Variants in MED15 observed in about 807,000 individuals in gnomAD.
MED15 encodes the protein mediator complex subunit 15.
MED15 carries 41 observed loss-of-function variants against 118.7 expected under a neutral mutation model. The ratio of observed to expected loss-of-function variants is 0.35; its 90% CI spans 0.27 to 0.45. The LOEUF (loss-of-function observed/expected upper bound fraction) is 0.45. Among genes scored for constraint, MED15 ranks in the 20% least tolerant of loss-of-function variants. The pLI, the probability that MED15 is intolerant of heterozygous loss-of-function variation, is 1.00. For synonymous variants in MED15, 436 were observed against 413.9 expected (o/e 1.05, Z -0.65); for missense variants, 740 against 1,025.5 (o/e 0.72, Z 3.80).
At chr22:20,517,062 T>A (rs2054280332) in intron 1 of MED15, among the ~76,000 whole-genome samples, 1 of 151,774 alleles carries the variant, frequency 6.6e-6, no homozygotes. Context: ...CCCAAGTAGC[T>A]GGGACTAAGG....
intron 6 of MED15, among the ~76,000 whole-genome samples, chr22:20,565,694 C>A (rs926742607): frequency 6.6e-6 from 1 of 152,228 alleles, no homozygotes; most frequent in African/African-American, 2.4e-5. Flanking sequence ...CTCCTGCTGA[C>A]AAGCAGACCT....
intron 2 of MED15, among the ~76,000 whole-genome samples, chr22:20,542,278 G>A (rs866167791): frequency 7.9e-5 from 12 of 152,140 alleles, no homozygotes; most frequent in African/African-American, 2.2e-4. Flanking sequence ...AATGTTTATA[G>A]CATCATTATA....
intron 1 of MED15, among the ~76,000 whole-genome samples, chr22:20,523,306 C>A (rs186220422): frequency 6.6e-6 from 1 of 152,100 alleles, no homozygotes; most frequent in Non-Finnish European, 1.5e-5. Context: ...AGGTGTGGAT[C>A]ATGCACAATC....
In MED15 at chr22:20,582,713, G is replaced by A. The variant is rs547574547; in HGVS notation, c.1375G>A (p.Gly459Ser). 8.0e-5 allele frequency: 104 copies of A among 1,306,296 alleles called. No individual in the cohort carries two copies. The highest frequency in any genetic ancestry group is 3.9e-4 in the South Asian group (33 of 85,346). 80.9% of individuals were successfully genotyped at this position (1,306,296 alleles called of 1,614,324 possible). Reference sequence around the variant, plus strand: ...TCCCCCCCAGCCGTCCCCGCAGCCCGGCCAGCCCAGCTCACAGCCCAACTC... The same window carrying A: ...TCCCCCCCAGCCGTCCCCGCAGCCCAGCCAGCCCAGCTCACAGCCCAACTC... ...PPPPQPSPQP[G>S]QPSSQPNSNV... Residue 459 changes from glycine (G) to serine (S), a missense_variant, in exon 10 of 18, where the codon GGC becomes AGC. Gly to Ser is a moderately conservative substitution (Grantham distance 56, BLOSUM62 0). Transcript: ENST00000263205.
chr22:20,508,039 C>T (rs1472712325), intron 1 of MED15: 4 of 1,383,648 alleles, frequency 2.9e-6, no homozygotes, highest in Non-Finnish European at 3.7e-6. Flanking sequence ...GACTTTCCCC[C>T]GCTTTTTGAA....
chr22:20,582,742 C>A lies in MED15; in HGVS notation c.1404C>A (p.Asn468Lys). 6.3e-7 allele frequency: 1 copy of A among 1,581,942 alleles called. No individual in the cohort carries two copies. Among genetic ancestry groups the A allele is most frequent in the Non-Finnish European group, 8.6e-7 (1 of 1,168,360 alleles). Reference sequence around the variant, plus strand: ...AGCCCAGCTCACAGCCCAACTCCAACGTCAGGTAGGCCTGGCCTGGGGTGC... The same window carrying A: ...AGCCCAGCTCACAGCCCAACTCCAAAGTCAGGTAGGCCTGGCCTGGGGTGC... The part of the protein sequence containing the change: ...PGQPSSQPNS[N>K]VSSGPAPSPS... The change falls in exon 10 of 18, where the codon AAC becomes AAA. Residue 468 changes from asparagine (N) to lysine (K), a missense_variant. Asn to Lys is a moderately conservative substitution (Grantham distance 94). This residue lies in a region of MED15 where 384 missense variants were observed against 506.3 expected (regional missense o/e 0.76). Transcript: ENST00000263205.
At chr22:20,510,899 C>G (rs150386335) in intron 1 of MED15, among the ~76,000 whole-genome samples, 2 of 152,116 alleles carry the variant, frequency 1.3e-5, no homozygotes, top group Non-Finnish European at 2.9e-5. Flanking sequence ...GGATTAGGCA[C>G]GAGATGGGCA....
At chr22:20,586,487 C>T in intron 17 of MED15, 81 bp from the exon 18 acceptor site, 4 of 1,565,986 alleles carry the variant, frequency 2.6e-6, no homozygotes, top group Non-Finnish European at 2.6e-6. Flanking sequence ...TGGGGCTACC[C>T]CTTCCCAGAG....
intron 2 of MED15, among the ~76,000 whole-genome samples, chr22:20,541,780 G>T (rs2055325188): frequency 6.6e-6 from 1 of 152,020 alleles, no homozygotes; most frequent in Admixed American, 6.6e-5. Context: ...CTCCCAAGTA[G>T]CTGGGACTAC....
At chr22:20,551,596 T>G in intron 3 of MED15, 109 bp downstream of exon 3, 2 of 1,020,678 alleles carry the variant, frequency 2.0e-6, no homozygotes, top group Non-Finnish European at 3.1e-6. Context: ...AGTCAGAAGG[T>G]CTGTGTCACC....
At chr22:20,576,305 C>G (rs1223507577) in intron 9 of MED15, among the ~76,000 whole-genome samples, 1 of 152,264 alleles carries the variant, frequency 6.6e-6, no homozygotes, top group Non-Finnish European at 1.5e-5. Flanking sequence ...ACAGTGGTCC[C>G]TGTCCATCCC....
chr22:20,558,922 A>G (rs190396900), intron 5 of MED15, among the ~76,000 whole-genome samples: 145 of 152,326 alleles, frequency 9.5e-4, no homozygotes, highest in Non-Finnish European at 1.5e-3. Context: ...GAACAGAAAA[A>G]ATAGACACAT....
chr22:20,555,704 A>G (rs2055972813), intron 5 of MED15, among the ~76,000 whole-genome samples: 1 of 152,226 alleles, frequency 6.6e-6, no homozygotes. Context: ...AAGGGGAGGC[A>G]AAGAACCTCC....
chr22:20,551,138 G>A (rs1373684745), intron 2 of MED15: 1 of 589,698 alleles, frequency 1.7e-6, no homozygotes. Flanking sequence ...ATGAAGAGAG[G>A]GCACTCAAGA....
chr22:20,551,057 G>A (rs1025705244), intron 2 of MED15: 7 of 490,238 alleles, frequency 1.4e-5, no homozygotes, highest in African/African-American at 3.9e-5. Context: ...GCCCACCCAC[G>A]GCTGCCTCTG....
intron 1 of MED15, among the ~76,000 whole-genome samples, chr22:20,530,186 A>G (rs1569183833): frequency 6.6e-6 from 1 of 152,166 alleles, no homozygotes; most frequent in South Asian, 2.1e-4. Flanking sequence ...AGGGTCCCAC[A>G]TACAAGCTGT....
At chr22:20,567,230 T>C (rs2056476597) in intron 7 of MED15, among the ~76,000 whole-genome samples, 1 of 152,236 alleles carries the variant, frequency 6.6e-6, no homozygotes, top group Non-Finnish European at 1.5e-5. Flanking sequence ...TCTTTTTTTT[T>C]CCTTTACACT....
At chr22:20,564,172 T>TGCCAGTAATC (rs1450525635) in intron 5 of MED15, among the ~76,000 whole-genome samples, 11 of 152,332 alleles carry the variant, frequency 7.2e-5, no homozygotes, top group African/African-American at 2.4e-4. Context: ...GATTACTGAT[T>TGCCAGTAATC]GCCAGAGTCT....
chr22:20,555,188 G>T, intron 5 of MED15, 40 bp downstream of exon 5: 1 of 1,511,266 alleles, frequency 6.6e-7, no homozygotes, highest in Non-Finnish European at 9.0e-7. Context: ...CGCTTTCCTT[G>T]CAAACGACAA....
Sources: allele counts gnomAD v4.1 joint callset (sites outside exome capture counted in the v4.1 genomes callset), GRCh38; gene constraint gnomAD v4.1.1; regional missense constraint gnomAD v4.1.1; transcripts MANE v1.5; gene names NCBI Gene and HGNC (gene_info 2026-07-23, HGNC 2026-07-21).